The following TFEC variants were observed in gnomAD, a reference collection of about 807,000 sequenced individuals.
TFEC encodes the protein class E basic helix-loop-helix protein 34.
A neutral mutation model predicts 41.6 loss-of-function variants in TFEC; 31 were observed. The observed-to-expected ratio is 0.74, with a 90% confidence interval of 0.56 to 1.01. The LOEUF (loss-of-function observed/expected upper bound fraction) is 1.01. TFEC is among the 50% of genes least tolerant of loss of function. The pLI is 0.00. For synonymous variants in TFEC, 143 were observed against 140.6 expected (o/e 1.02, Z -0.12); for missense variants, 402 against 404.1 (o/e 0.99, Z 0.04).
At chr7:116,101,564 A>G (rs899922958) in intron 3 of TFEC, among the ~76,000 whole-genome samples, 4 of 152,180 alleles carry the variant, frequency 2.6e-5, no homozygotes, top group African/African-American at 9.7e-5. Flanking sequence ...TACTTGCCCC[A>G]ATAGTAAACC....
chr7:115,971,595 A>G (rs1378104139), intron 3 of TFEC, among the ~76,000 whole-genome samples: 1 of 152,044 alleles, frequency 6.6e-6, no homozygotes, highest in African/African-American at 2.4e-5. Flanking sequence ...AAAACTTCCA[A>G]GCAGGTCTCA....
At chr7:116,087,543 G>A (rs1797229422) in intron 3 of TFEC, among the ~76,000 whole-genome samples, 1 of 151,884 alleles carries the variant, frequency 6.6e-6, no homozygotes. Context: ...AAGCTGTTAA[G>A]ATTACTCACA....
intron 3 of TFEC, among the ~76,000 whole-genome samples, chr7:116,104,040 T>G (rs186095147): frequency 6.6e-6 from 1 of 152,164 alleles, no homozygotes; most frequent in East Asian, 1.9e-4. Flanking sequence ...TAAAAGGAAA[T>G]TATACTAAAA....
chr7:115,941,458 A>C (rs1793493272), intron 7 of TFEC: 1 of 170,224 alleles, frequency 5.9e-6, no homozygotes, highest in South Asian at 1.9e-4. Flanking sequence ...GCAATGTTGG[A>C]AAGAAATGAA....
intron 3 of TFEC, among the ~76,000 whole-genome samples, chr7:116,059,755 C>T (rs749187927): frequency 6.6e-6 from 1 of 151,860 alleles, no homozygotes; most frequent in African/African-American, 2.4e-5. Flanking sequence ...GCTCAGTAGA[C>T]ATCAAAAAAG....
intron 1 of TFEC, among the ~76,000 whole-genome samples, chr7:116,153,982 C>T (rs1457767807): frequency 2.0e-5 from 3 of 152,138 alleles, no homozygotes; most frequent in African/African-American, 4.8e-5. Context: ...GTCTGTGACC[C>T]ATCTCTTAAA....
intron 5 of TFEC, among the ~76,000 whole-genome samples, chr7:115,952,105 A>G (rs191349524): frequency 1.3e-5 from 2 of 152,266 alleles, no homozygotes; most frequent in African/African-American, 2.4e-5. Context: ...ATCAAAGACT[A>G]TCAATTGCCT....
chr7:116,114,916 G>T (rs1283731161), intron 1 of TFEC, among the ~76,000 whole-genome samples: 6 of 151,772 alleles, frequency 4.0e-5, no homozygotes, highest in African/African-American at 7.3e-5. Context: ...CCCAGTAATG[G>T]GGAGAGAGGA....
chr7:115,951,564 T>C (rs1380121476), intron 5 of TFEC, among the ~76,000 whole-genome samples: 4 of 152,112 alleles, frequency 2.6e-5, no homozygotes, highest in Admixed American at 1.3e-4. Context: ...TTTTTATACT[T>C]TGGCACTCTT....
intron 3 of TFEC, among the ~76,000 whole-genome samples, chr7:116,086,413 T>C (rs941712388): frequency 1.3e-5 from 2 of 151,984 alleles, no homozygotes; most frequent in Admixed American, 1.3e-4. Context: ...ATCCTCATTA[T>C]CAACTGTGCA....
At chr7:116,145,999 G>T (rs1025617985) in intron 1 of TFEC, among the ~76,000 whole-genome samples, 2 of 152,138 alleles carry the variant, frequency 1.3e-5, no homozygotes, top group Non-Finnish European at 2.9e-5. Flanking sequence ...AACAAACACT[G>T]ACAGGAAATG....
intron 1 of TFEC, among the ~76,000 whole-genome samples, chr7:115,988,828 A>G (rs573793368): frequency 2.6e-5 from 4 of 152,124 alleles, no homozygotes; most frequent in Non-Finnish European, 5.9e-5. Context: ...AAAATCAAAG[A>G]TAAAGAAAAA....
At chr7:116,071,153 T>A (rs886276436) in intron 3 of TFEC, among the ~76,000 whole-genome samples, 40 of 151,322 alleles carry the variant, frequency 2.6e-4, no homozygotes, top group Non-Finnish European at 5.5e-4. Context: ...AAAGCCAACA[T>A]TTTTGCTATA....
intron 1 of TFEC, among the ~76,000 whole-genome samples, chr7:116,137,170 T>C (rs1431225312): frequency 6.6e-6 from 1 of 152,146 alleles, no homozygotes. Flanking sequence ...AATTATCACA[T>C]ATTTTCTTGA....
intron 3 of TFEC, among the ~76,000 whole-genome samples, chr7:116,055,945 C>G (rs2130971436): frequency 6.6e-6 from 1 of 152,102 alleles, no homozygotes; most frequent in African/African-American, 2.4e-5. Flanking sequence ...ATTAACAGCT[C>G]TTAGAGATCA....
At chr7:116,023,941 AAGCAAT>A (rs1360915440) in intron 1 of TFEC, among the ~76,000 whole-genome samples, 1 of 152,130 alleles carries the variant, frequency 6.6e-6, no homozygotes, top group Non-Finnish European at 1.5e-5. Flanking sequence ...TGGGAAATGG[AAGCAAT>A]TAATTCCCTT....
At chr7:116,048,553 C>T (rs190788784) in intron 3 of TFEC, among the ~76,000 whole-genome samples, 205 of 152,342 alleles carry the variant, frequency 1.3e-3, no homozygotes, top group African/African-American at 4.6e-3. Context: ...TTGGAAAACA[C>T]TCTTCAGGAT....
chr7:116,099,702 C>T (rs1797560452), intron 3 of TFEC, among the ~76,000 whole-genome samples: 1 of 152,068 alleles, frequency 6.6e-6, no homozygotes, highest in Non-Finnish European at 1.5e-5. Flanking sequence ...TGGAAGCAAG[C>T]GAATGAACCT....
At chr7:116,085,328 A>C (rs907288906) in intron 3 of TFEC, among the ~76,000 whole-genome samples, 2 of 151,906 alleles carry the variant, frequency 1.3e-5, no homozygotes, top group Non-Finnish European at 2.9e-5. Context: ...ACTACTGAGA[A>C]TGTGTCAAAG....
Sources: allele counts gnomAD v4.1 joint callset (sites outside exome capture counted in the v4.1 genomes callset), GRCh38; gene constraint gnomAD v4.1.1; transcripts MANE v1.5; gene names NCBI Gene and HGNC (gene_info 2026-07-23, HGNC 2026-07-21).